The following BTC variants were observed in gnomAD, a reference collection of about 807,000 sequenced individuals.
BTC encodes the protein probetacellulin.
BTC carries 13 observed loss-of-function variants against 18.1 expected under a neutral mutation model. The ratio of observed to expected loss-of-function variants is 0.72; its 90% CI spans 0.47 to 1.14. The LOEUF (loss-of-function observed/expected upper bound fraction) is 1.14, where lower values mean the gene tolerates loss of function less well. Among genes scored for constraint, BTC ranks in the 50% most tolerant of loss-of-function variants. The pLI is 0.00. For missense variants in BTC, 247 were observed against 224.2 expected, an observed-to-expected ratio of 1.10 and a Z score of -0.65; for synonymous variants, 83 against 79.4, an observed-to-expected ratio of 1.05 and a Z score of -0.24.
intron 1 of BTC, among the ~76,000 whole-genome samples, chr4:74,777,511 A>T (rs1487721342): frequency 3.9e-5 from 6 of 152,220 alleles, no homozygotes; most frequent in African/African-American, 1.4e-4. Flanking sequence ...ACTATGAAAG[A>T]TGAATACACA....
At chr4:74,772,668 A>C (rs1725073772) in intron 1 of BTC, among the ~76,000 whole-genome samples, 1 of 151,344 alleles carries the variant, frequency 6.6e-6, no homozygotes, top group Non-Finnish European at 1.5e-5. Flanking sequence ...AAAAAAAAAA[A>C]CTCTAAATCT....
intron 1 of BTC, among the ~76,000 whole-genome samples, chr4:74,771,835 A>G (rs1248090669): frequency 2.0e-5 from 3 of 152,224 alleles, no homozygotes; most frequent in Non-Finnish European, 4.4e-5. Context: ...GTTTTTCCTA[A>G]GGAAATAATT....
intron 2 of BTC, among the ~76,000 whole-genome samples, chr4:74,763,989 G>A (rs1230664434): frequency 1.4e-5 from 2 of 147,706 alleles, no homozygotes; most frequent in Non-Finnish European, 3.0e-5. Flanking sequence ...TAATTATTGT[G>A]TTAATTAAAA....
intron 1 of BTC, among the ~76,000 whole-genome samples, chr4:74,773,467 G>A (rs1474719099): frequency 6.6e-6 from 1 of 152,074 alleles, no homozygotes. Flanking sequence ...AAAGAGAAAG[G>A]ACACTCCATT....
chr4:74,772,515 CTCTT>C (rs1243015895), intron 1 of BTC, among the ~76,000 whole-genome samples: 2 of 151,978 alleles, frequency 1.3e-5, no homozygotes, highest in East Asian at 3.9e-4. Context: ...AAGAAAAAAA[CTCTT>C]TATATTCAAA....
rs1278415199 is a variant in BTC, at chr4:74,745,726, T to C, written c.*951A>G. On this transcript the variant is annotated 3_prime_UTR_variant, in exon 6 of 6. Coordinates refer to ENST00000395743, the MANE Select transcript of BTC (RefSeq NM_001729.4). ...GTCTCTCCAGTGTTGTCACTGACCA[T>C]TACTCCCATATAAACAGCCTCTTTC... is the stretch of plus-strand genomic sequence containing the variant. 2 of 152,204 alleles carry C rather than the reference T, an allele frequency of 1.3e-5. No individual in the cohort carries two copies. The highest frequency in any genetic ancestry group is 2.4e-5 in the African/African-American group (1 of 41,446). 9.4% of individuals were successfully genotyped at this position (152,204 alleles called of 1,614,324 possible).
At chr4:74,754,416 A>G (rs551386408) in intron 3 of BTC, among the ~76,000 whole-genome samples, 4 of 152,312 alleles carry the variant, frequency 2.6e-5, no homozygotes, top group South Asian at 2.1e-4. Flanking sequence ...TCCAGTGGAT[A>G]AGAGCTTTCA....
intron 2 of BTC, among the ~76,000 whole-genome samples, chr4:74,764,676 A>G (rs1242486862): frequency 6.6e-6 from 1 of 152,340 alleles, no homozygotes; most frequent in Middle Eastern, 3.4e-3. Context: ...TGTCTTTTGT[A>G]GCAACTGTGA....
At chr4:74,748,599 A>G (rs984439243) in intron 4 of BTC, among the ~76,000 whole-genome samples, 2 of 152,184 alleles carry the variant, frequency 1.3e-5, no homozygotes, top group Admixed American at 6.5e-5. Flanking sequence ...TGATAGGTAT[A>G]ATAGGCAACA....
intron 1 of BTC, among the ~76,000 whole-genome samples, chr4:74,770,910 CGTGTATGT>C (rs1030108511): frequency 4.4e-5 from 6 of 135,814 alleles, no homozygotes; most frequent in African/African-American, 1.7e-4. Flanking sequence ...GGGTCTATAT[CGTGTATGT>C]GTGTGTGTGT....
Position 74,756,123 on chromosome 4 carries a change from A to T in BTC, c.164-147T>A, listed in dbSNP as rs1724591259. 4 of 761,664 alleles carry T rather than the reference A, an allele frequency of 5.3e-6. No homozygotes were observed. The Admixed American group carries it at 8.9e-5, about 17-fold the overall frequency. 47.2% of individuals were successfully genotyped at this position (761,664 alleles called of 1,614,324 possible). A position where few individuals can be genotyped will look rare whatever the true frequency, so the allele number is the denominator to read the frequency against. ...TTCTCTCTGCACTGGGATAAAAGTC[A>T]GACTTTTGTGACTCCAAAATAGCTC... is the stretch of plus-strand genomic sequence containing the variant. On this transcript the variant is annotated intron_variant, in intron 2 of 5. Transcript: ENST00000395743.
intron 1 of BTC, among the ~76,000 whole-genome samples, chr4:74,775,615 G>A (rs559745322): frequency 6.6e-6 from 1 of 152,216 alleles, no homozygotes; most frequent in South Asian, 2.1e-4. Flanking sequence ...TCCGAAATAT[G>A]CCATTTCAAG....
intron 3 of BTC, among the ~76,000 whole-genome samples, chr4:74,754,967 TCA>T (rs1193076996): frequency 2.4e-5 from 2 of 82,772 alleles, no homozygotes; most frequent in African/African-American, 8.2e-5. Context: ...ACACACACAC[TCA>T]CACACACACA....
intron 2 of BTC, 50 bp from the exon 3 acceptor site, chr4:74,756,026 T>C (rs781919821): frequency 1.1e-5 from 15 of 1,380,044 alleles, no homozygotes; most frequent in Non-Finnish European, 1.6e-5. Flanking sequence ...AAATATTCAC[T>C]TGTAAATAGA....
chr4:74,749,690 TG>T (rs1560708286), intron 4 of BTC, among the ~76,000 whole-genome samples: 3,961 of 92,700 alleles, frequency 0.043, 183 homozygotes, highest in African/African-American at 0.099. Flanking sequence ...TTTTTTTTGT[TG>T]TTGTTGTTGT....
At chr4:74,754,354 T>C (rs1383857278) in intron 3 of BTC, among the ~76,000 whole-genome samples, 1 of 152,182 alleles carries the variant, frequency 6.6e-6, no homozygotes, top group Non-Finnish European at 1.5e-5. Flanking sequence ...AGCCCTGCCC[T>C]CTAGGAGCTC....
intron 1 of BTC, among the ~76,000 whole-genome samples, chr4:74,772,651 A>G (rs1439215896): frequency 2.0e-5 from 3 of 150,920 alleles, no homozygotes; most frequent in African/African-American, 7.3e-5. Flanking sequence ...AATGGTGAGA[A>G]CAAAAAAAAA....
intron 4 of BTC, among the ~76,000 whole-genome samples, chr4:74,750,127 T>G (rs1724419610): frequency 6.6e-6 from 1 of 152,038 alleles, no homozygotes. Flanking sequence ...ATAAAAATTG[T>G]GCAAAGCCAC....
At chr4:74,791,144 C>T (rs146519917) in intron 1 of BTC, among the ~76,000 whole-genome samples, 105 of 151,966 alleles carry the variant, frequency 6.9e-4, no homozygotes, top group African/African-American at 2.3e-3. Flanking sequence ...GAGTTTAAGA[C>T]CAGCCTGGCC....
Sources: gnomAD v4.1 joint callset for allele counts (sites outside exome capture counted in the v4.1 genomes callset) on GRCh38, gnomAD v4.1.1 for gene constraint, MANE v1.5 for transcripts, NCBI Gene and HGNC (gene_info 2026-07-23, HGNC 2026-07-21) for gene names.